Variants in COL6A2 observed in about 807,000 individuals in gnomAD.
The protein encoded by COL6A2 is collagen alpha-2(VI) chain.
A neutral mutation model predicts 124.9 loss-of-function variants in COL6A2; 90 were observed. The ratio of observed to expected loss-of-function variants is 0.72; its 90% confidence interval spans 0.61 to 0.86. The LOEUF is 0.86. Among genes scored for constraint, COL6A2 ranks in the 40% least tolerant of loss-of-function variants. The probability of loss-of-function intolerance (pLI) is 0.00; values close to 1 mark genes in which losing one functional copy is unlikely to be tolerated. For missense variants in COL6A2, 1,607 were observed against 1,502.5 expected (o/e 1.07, Z -1.15); for synonymous variants, 793 against 618.2 (o/e 1.28, Z -4.19).
intron 5 of COL6A2, among the ~76,000 whole-genome samples, chr21:46,114,333 G>T (rs988797921): frequency 6.6e-6 from 1 of 151,870 alleles, no homozygotes; most frequent in Admixed American, 6.6e-5. Flanking sequence ...GCTGAGGCAG[G>T]AGAATCGCTT....
rs370469693 is a variant in COL6A2, at chr21:46,132,559, C to T, written c.*7C>T. On this transcript the variant is annotated 3_prime_UTR_variant, in exon 28 of 28. Transcript: ENST00000300527. The stretch of plus-strand genomic sequence containing the variant: ...CATCCGCTGGATCTGCTAGCGCCGC[C>T]GCCCGGGCCCCGCAGTCGAGGGTCG... The T allele has an allele frequency of 4.9e-5, 78 of 1,588,494 alleles. No homozygotes were observed. The highest frequency in any genetic ancestry group is 2.0e-4 in the African/African-American group (15 of 74,580).
chr21:46,113,692 T>C (rs2078434706), intron 4 of COL6A2: 1 of 451,084 alleles, frequency 2.2e-6, no homozygotes, highest in East Asian at 4.4e-5. Flanking sequence ...TACCAAAATG[T>C]TGGGATTCCA....
intron 1 of COL6A2, among the ~76,000 whole-genome samples, chr21:46,101,373 A>C (rs1473439369): frequency 6.6e-6 from 1 of 152,190 alleles, no homozygotes; most frequent in Non-Finnish European, 1.5e-5. Flanking sequence ...TTACTCTGTT[A>C]ATGATGTCCT....
intron 21 of COL6A2, among the ~76,000 whole-genome samples, chr21:46,124,278 T>C (rs1333120403): frequency 1.2e-4 from 18 of 151,488 alleles, no homozygotes; most frequent in Non-Finnish European, 1.5e-5. Context: ...GCTGGGTGGA[T>C]AGATGGATGG....
rs564061388 is a variant in COL6A2 at position 46,116,120 on chromosome 21, C to G, written c.900+67C>G. The G allele has an allele frequency of 6.8e-5, 102 of 1,501,002 alleles. No individual in the cohort carries two copies. The highest frequency in any genetic ancestry group is 1.8e-4 in the South Asian group (15 of 83,186). The allele number at this position is 1,501,002 out of a possible 1,614,324, so 93.0% of individuals were successfully genotyped here. On this transcript the variant is annotated intron_variant, in intron 7 of 27. Coordinates refer to ENST00000300527, the MANE Select transcript of COL6A2 (RefSeq NM_001849.4). This position sits in a 1 kb window ranked among gnomAD's most constrained non-coding sequence, Gnocchi z 4.6. ...CCAGCACTGCCAGGCAGGCTCCCCC[C>G]AGCCCAGCCTCGGCCTCAGCCTCTA...
chr21:46,119,970 A>G (rs114994097), intron 15 of COL6A2, 120 bp downstream of exon 15: 7 of 892,576 alleles, frequency 7.8e-6, no homozygotes, highest in Non-Finnish European at 1.1e-5. Context: ...CACTCTCCAG[A>G]GTTCACTCTC....
At position 46,126,137 on chromosome 21, in the gene COL6A2, C is replaced by T. The variant is rs200386811; in HGVS notation, c.2322C>T (p.Ser774=). 5.6e-5 allele frequency: 91 copies of T among 1,611,586 alleles called. No individual in the cohort carries two copies. The highest frequency in any genetic ancestry group is 5.1e-4 in the South Asian group (46 of 91,088). ...AGCACGAGAGTGAAAACCTCTACTC[C>T]ATCGCCTGCGACAAGCCACAGCAGG... The part of the protein sequence containing the change: ...HEKHESENLY[S]IACDKPQQVR... Residue 774 remains serine (S), a synonymous_variant, in exon 26 of 28, where the codon TCC becomes TCT. Transcript: ENST00000300527.
Position 46,116,689 on chromosome 21 carries a change from G to A in COL6A2, c.954+12G>A. The A allele has an allele frequency of 6.2e-7, 1 of 1,613,084 alleles. No homozygotes were observed. Among genetic ancestry groups the A allele is most frequent in the Non-Finnish European group, 8.5e-7 (1 of 1,180,014 alleles). On this transcript the variant is annotated intron_variant, in intron 9 of 27. Coordinates refer to ENST00000300527, the MANE Select transcript of COL6A2 (RefSeq NM_001849.4). This position sits in a 1 kb window ranked among gnomAD's most constrained non-coding sequence, Gnocchi z 4.6. ...CCGACGGTCGCAAGGTAGGCTGGCT[G>A]GGTAGGCAGAGCCCCTCCTTCCTGC... is the stretch of plus-strand genomic sequence containing the variant.
chr21:46,115,976 G>A, intron 6 of COL6A2, 33 bp from the exon 7 acceptor site: 1 of 1,612,254 alleles, frequency 6.2e-7, no homozygotes, highest in Non-Finnish European at 8.5e-7. Flanking sequence ...GCGCCCCAGG[G>A]CTGGGCTCAC....
chr21:46,115,418 T>G (rs1003998347), intron 5 of COL6A2, among the ~76,000 whole-genome samples: 3 of 152,268 alleles, frequency 2.0e-5, no homozygotes, highest in African/African-American at 7.2e-5. Context: ...GTATCATAGG[T>G]TAAAATTTTA....
At chr21:46,123,366 A>G (rs1246297656) in intron 21 of COL6A2, among the ~76,000 whole-genome samples, 1 of 140,954 alleles carries the variant, frequency 7.1e-6, no homozygotes, top group Admixed American at 7.1e-5. Context: ...AGCATTCCCC[A>G]AGGGTTCCCT....
chr21:46,112,152 G>C lies in COL6A2; in HGVS notation c.289G>C (p.Gly97Arg), dbSNP rs750027302. Residue 97 changes from glycine (G) to arginine (R), a missense_variant, in exon 3 of 28, where the codon GGC becomes CGC. Gly to Arg is a moderately radical substitution (Grantham distance 125). Transcript: ENST00000300527. The stretch of plus-strand genomic sequence containing the variant: ...CCAGGTGGCGCTGAGCTGGCGCTAC[G>C]GCGGCCTGCACTTCTCTGACCAGGT... The part of the protein sequence containing the change: ...LDQVALSWRY[G>R]GLHFSDQVEV... 3.1e-6 allele frequency: 5 copies of C among 1,612,928 alleles called. No homozygotes were observed. The highest frequency in any genetic ancestry group is 4.2e-6 in the Non-Finnish European group (5 of 1,180,030).
intron 27 of COL6A2, among the ~76,000 whole-genome samples, chr21:46,128,318 G>A (rs1015947175): frequency 3.3e-5 from 5 of 152,188 alleles, no homozygotes; most frequent in Admixed American, 6.5e-5. Context: ...CCTCATCCCC[G>A]ACACTCAGAG....
chr21:46,106,187 T>G (rs2078333892), intron 1 of COL6A2, among the ~76,000 whole-genome samples: 1 of 152,268 alleles, frequency 6.6e-6, no homozygotes, highest in African/African-American at 2.4e-5. Flanking sequence ...ATATAATAAT[T>G]ATAAATATTT....
At chr21:46,128,660 T>A (rs533287921) in intron 27 of COL6A2, among the ~76,000 whole-genome samples, 1 of 152,300 alleles carries the variant, frequency 6.6e-6, no homozygotes, top group African/African-American at 2.4e-5. Context: ...AAGAGCTGCA[T>A]AGGGGCCACA....
chr21:46,128,721 G>A (rs146299954), intron 27 of COL6A2, among the ~76,000 whole-genome samples: 152 of 152,344 alleles, frequency 1.0e-3, no homozygotes, highest in Non-Finnish European at 1.6e-3. Context: ...ACGTTGCAGA[G>A]GCCAGGTCTG....
intron 1 of COL6A2, among the ~76,000 whole-genome samples, chr21:46,105,716 TAAAGAATA>T (rs1444840746): frequency 1.3e-5 from 2 of 151,850 alleles, no homozygotes; most frequent in East Asian, 3.9e-4. Flanking sequence ...AGAAAATAAC[TAAAGAATA>T]AATACAAAAG....
chr21:46,122,268 T>C (rs879719385), intron 19 of COL6A2, 110 bp downstream of exon 19: 16 of 1,338,980 alleles, frequency 1.2e-5, no homozygotes, highest in Non-Finnish European at 1.6e-5. Context: ...GAAGAAAGTG[T>C]GAGGTCCCTC....
At chr21:46,108,919 G>A (rs2078364323) in intron 1 of COL6A2, among the ~76,000 whole-genome samples, 1 of 152,206 alleles carries the variant, frequency 6.6e-6, no homozygotes. Context: ...AGTGGAGGGT[G>A]TGCAAGACAG....
Sources: allele counts gnomAD v4.1 joint callset (sites outside exome capture counted in the v4.1 genomes callset), GRCh38; gene constraint gnomAD v4.1.1; non-coding constraint Gnocchi (gnomAD v3.1); transcripts MANE v1.5; gene names NCBI Gene and HGNC (gene_info 2026-07-23, HGNC 2026-07-21).